Variants in PRR16 observed in about 807,000 individuals in gnomAD.
PRR16 encodes protein Largen.
A neutral mutation model predicts 18.2 loss-of-function variants in PRR16; 6 were observed. The observed-to-expected ratio is 0.33, with a 90% CI of 0.18 to 0.65. The LOEUF is 0.65. PRR16 is among the 30% of genes least tolerant of loss of function. PRR16 has a pLI of 0.74. For synonymous variants in PRR16, 151 were observed against 147.8 expected (o/e 1.02, Z -0.16); for missense variants, 412 against 376.6 (o/e 1.09, Z -0.78).
Position 120,487,342 on chromosome 5 carries a change from C to T in PRR16, c.159+22697C>T, listed in dbSNP as rs1483956591. Among the ~76,000 whole-genome samples the T allele has an allele frequency of 5.9e-5, 9 of 152,238 alleles. No individual in the cohort carries two copies. In the East Asian group the frequency reaches 1.2e-3, roughly 20 times the overall value. The stretch of plus-strand genomic sequence containing the variant: ...TTTCATTGAGCAGTGGTTTGTAGTT[C>T]TCCTTGAAGAGGTCCTTCACATCCC... On this transcript the variant is annotated intron_variant, in intron 1 of 1. Transcript: ENST00000407149.
chr5:120,579,860 A>G (rs534939614), intron 1 of PRR16, among the ~76,000 whole-genome samples: 156 of 152,312 alleles, frequency 1.0e-3, no homozygotes, highest in African/African-American at 3.6e-3. Flanking sequence ...CTTCCTATCC[A>G]TAAGCATGGA....
the PRR16 span, among the ~76,000 whole-genome samples, chr5:120,693,835 A>G: frequency 6.6e-6 from 1 of 152,220 alleles, no homozygotes; most frequent in Non-Finnish European, 1.5e-5. Flanking sequence ...TCTTGTAGTA[A>G]CATTTATAGA....
At chr5:120,504,310 C>T (rs947892370) in intron 1 of PRR16, among the ~76,000 whole-genome samples, 6 of 152,168 alleles carry the variant, frequency 3.9e-5, no homozygotes, top group African/African-American at 1.4e-4. Context: ...GCATTGGCAA[C>T]ACACTCGAAT....
At chr5:120,699,182 A>G in the PRR16 span, among the ~76,000 whole-genome samples, 64 of 152,186 alleles carry the variant, frequency 4.2e-4, 1 homozygote, top group African/African-American at 1.5e-3. Context: ...GAGGAGTAGT[A>G]GAATAGCAGA....
At chr5:120,788,447 G>A in the PRR16 span, among the ~76,000 whole-genome samples, 25 of 152,170 alleles carry the variant, frequency 1.6e-4, no homozygotes, top group African/African-American at 6.0e-4. Flanking sequence ...AGTCGGCTTT[G>A]TGTGTTTTTC....
At position 120,651,589 on chromosome 5, in the gene PRR16, A is replaced by C. The variant is rs556571789; in HGVS notation, c.160-34365A>C. Among the ~76,000 whole-genome samples the C allele has an allele frequency of 4.9e-3, 753 of 152,138 alleles. 1 individual carries two copies. The highest frequency in any genetic ancestry group is 0.017 in the African/African-American group (713 of 41,510). ...AGCACCATTTATTAAACAGGGAATC[A>C]TTTCCCCATTTCTTGTTTTTGTCAG... On this transcript the variant is annotated intron_variant, in intron 1 of 1. Coordinates refer to ENST00000407149, the MANE Select transcript of PRR16 (RefSeq NM_001300783.2).
Position 120,464,513 on chromosome 5 carries a change from C to G in PRR16, c.27C>G (p.Pro9=), listed in dbSNP as rs1749012223. Residue 9 remains proline, a synonymous_variant, in exon 1 of 2, where the codon CCC becomes CCG. Transcript: ENST00000407149. Reference sequence around the variant, plus strand: ...TGTCAGCCAAGTCCAAGGGGAACCCCTCCTCGTCCTGTCCAGCCGAGGGAC... The same window carrying G: ...TGTCAGCCAAGTCCAAGGGGAACCCGTCCTCGTCCTGTCCAGCCGAGGGAC... The part of the protein sequence containing the change: MSAKSKGN[P]SSSCPAEGPP... 1 of 1,591,616 alleles carries G rather than the reference C, an allele frequency of 6.3e-7. No homozygotes were observed.
the PRR16 span, among the ~76,000 whole-genome samples, chr5:120,753,928 A>G: frequency 6.5e-5 from 1 of 15,340 alleles, no homozygotes; most frequent in African/African-American, 9.6e-5. Flanking sequence ...ATGTATATAA[A>G]TATTATATAT....
chr5:120,735,020 TTCA>T, the PRR16 span, among the ~76,000 whole-genome samples: 2 of 152,320 alleles, frequency 1.3e-5, no homozygotes, highest in South Asian at 4.1e-4. Context: ...AGGTTCCCAT[TTCA>T]TCATTACCCT....
At chr5:120,537,617 A>T (rs1580700029) in intron 1 of PRR16, among the ~76,000 whole-genome samples, 2 of 142,768 alleles carry the variant, frequency 1.4e-5, no homozygotes, top group African/African-American at 5.2e-5. Context: ...TTGGCCAAGC[A>T]AGATTACAGA....
At chr5:120,533,249 C>T (rs936016896) in intron 1 of PRR16, among the ~76,000 whole-genome samples, 2 of 152,130 alleles carry the variant, frequency 1.3e-5, no homozygotes. Flanking sequence ...ACCTAATCTT[C>T]CACAAGAAAT....
intron 1 of PRR16, among the ~76,000 whole-genome samples, chr5:120,541,834 A>G (rs1012031770): frequency 1.3e-5 from 2 of 152,122 alleles, no homozygotes; most frequent in Non-Finnish European, 2.9e-5. Context: ...TCATCAACCA[A>G]AAAGACATTT....
chr5:120,536,543 A>G (rs1377547275), intron 1 of PRR16, among the ~76,000 whole-genome samples: 1 of 152,234 alleles, frequency 6.6e-6, no homozygotes, highest in Non-Finnish European at 1.5e-5. Flanking sequence ...TACATTGTAT[A>G]GTTTACACAA....
intron 1 of PRR16, among the ~76,000 whole-genome samples, chr5:120,605,559 C>G (rs898438512): frequency 3.3e-5 from 5 of 152,156 alleles, no homozygotes; most frequent in Non-Finnish European, 5.9e-5. Flanking sequence ...TGCTGCACAG[C>G]TAGTGTGGTC....
intron 1 of PRR16, among the ~76,000 whole-genome samples, chr5:120,538,992 G>A (rs1751821293): frequency 6.6e-6 from 1 of 152,116 alleles, no homozygotes; most frequent in Non-Finnish European, 1.5e-5. Flanking sequence ...AAGGAAAATG[G>A]CTAAATTAGG....
intron 1 of PRR16, among the ~76,000 whole-genome samples, chr5:120,526,999 G>A (rs780700917): frequency 3.7e-4 from 57 of 152,068 alleles, no homozygotes; most frequent in Non-Finnish European, 6.8e-4. Flanking sequence ...TTTATGCCCC[G>A]TGATTAGTAA....
intron 1 of PRR16, among the ~76,000 whole-genome samples, chr5:120,548,319 T>A (rs1281922223): frequency 6.6e-6 from 1 of 152,094 alleles, no homozygotes; most frequent in African/African-American, 2.4e-5. Context: ...TGTCAATGTT[T>A]TCTATTCAGC....
chr5:120,540,803 C>T (rs762114025), intron 1 of PRR16, among the ~76,000 whole-genome samples: 5 of 152,120 alleles, frequency 3.3e-5, no homozygotes, highest in Middle Eastern at 3.4e-3. Context: ...TCCTAGTGAC[C>T]ACAGAATAGA....
At chr5:120,729,834 A>T in the PRR16 span, among the ~76,000 whole-genome samples, 7 of 152,080 alleles carry the variant, frequency 4.6e-5, no homozygotes, top group African/African-American at 1.7e-4. Context: ...TGTGAAGGTT[A>T]AGATGGGGAA....
Sources: allele counts gnomAD v4.1 joint callset (sites outside exome capture counted in the v4.1 genomes callset), GRCh38; gene constraint gnomAD v4.1.1; transcripts MANE v1.5; gene names NCBI Gene and HGNC (gene_info 2026-07-23, HGNC 2026-07-21).